DOCK10: variants seen among roughly 807,000 people sequenced by gnomAD.
The protein encoded by DOCK10 is dedicator of cytokinesis 10.
In DOCK10, 145 loss-of-function variants were observed where a neutral mutation model predicts 280.1. The observed-to-expected ratio is 0.52, with a 90% CI of 0.45 to 0.59. DOCK10 has a LOEUF of 0.59. DOCK10 is among the 20% of genes least tolerant of loss of function. DOCK10 has a pLI of 0.00. For synonymous variants in DOCK10, 915 were observed against 942.2 expected (o/e 0.97, Z 0.53); for missense variants, 2,368 against 2,651.7 (o/e 0.89, Z 2.35).
intron 1 of DOCK10, among the ~76,000 whole-genome samples, chr2:224,974,909 C>T (rs1705341220): frequency 7.2e-6 from 1 of 139,012 alleles, no homozygotes; most frequent in African/African-American, 2.5e-5. Flanking sequence ...ATAGCTCTAT[C>T]TACATATAGT....
At chr2:224,997,586 T>C (rs936704742) in intron 1 of DOCK10, among the ~76,000 whole-genome samples, 11 of 152,270 alleles carry the variant, frequency 7.2e-5, no homozygotes, top group Middle Eastern at 3.4e-3. Context: ...GGGTGATCTT[T>C]GCTGCCCTCC....
intron 26 of DOCK10, among the ~76,000 whole-genome samples, chr2:224,832,673 C>T (rs904366043): frequency 3.3e-5 from 5 of 152,070 alleles, no homozygotes; most frequent in African/African-American, 9.7e-5. Flanking sequence ...GAATGAATCC[C>T]AGGCACACTG....
intron 7 of DOCK10, among the ~76,000 whole-genome samples, chr2:224,880,632 G>A (rs1204301187): frequency 1.3e-5 from 2 of 152,136 alleles, no homozygotes; most frequent in Non-Finnish European, 2.9e-5. Flanking sequence ...TTCATAAATA[G>A]TAGGAACCTG....
chr2:225,000,252 A>C (rs892685072), intron 1 of DOCK10, among the ~76,000 whole-genome samples: 1 of 151,786 alleles, frequency 6.6e-6, no homozygotes, highest in African/African-American at 2.4e-5. Context: ...ACATGCAATT[A>C]CTGGTTTTAC....
chr2:224,827,648 A>G (rs1434453699), intron 27 of DOCK10, among the ~76,000 whole-genome samples: 4 of 152,214 alleles, frequency 2.6e-5, no homozygotes, highest in Admixed American at 2.6e-4. Flanking sequence ...AGGAATTGCA[A>G]CAGTGAGGTT....
chr2:224,982,961 A>T (rs995142125), intron 1 of DOCK10, among the ~76,000 whole-genome samples: 1 of 152,194 alleles, frequency 6.6e-6, no homozygotes, highest in Non-Finnish European at 1.5e-5. Flanking sequence ...CAAAGTATGC[A>T]CGCATTAACC....
chr2:224,933,722 C>A (rs1702526739), intron 1 of DOCK10, among the ~76,000 whole-genome samples: 1 of 152,162 alleles, frequency 6.6e-6, no homozygotes, highest in African/African-American at 2.4e-5. Flanking sequence ...CATGATGTGG[C>A]TAATAACACT....
chr2:224,841,864 G>T lies in DOCK10; in HGVS notation c.2601C>A (p.Cys867Ter). 6.2e-7 allele frequency: 1 copy of T among 1,612,692 alleles called. No individual in the cohort carries two copies. Residue 867 changes from cysteine (C) to a stop codon, truncating the protein, a stop_gained, in exon 23 of 56, where the codon TGC becomes TGA. Transcript: ENST00000258390. LOFTEE classifies it high-confidence loss of function. The stretch of plus-strand genomic sequence containing the variant: ...GAGACATATCTTTCTCTCTTTTTTG[G>T]CACTCTTGGAAAAATGCATTCACAT... ...DPHVNAFFQE[C>*]QKREKDMSQS...
intron 1 of DOCK10, among the ~76,000 whole-genome samples, chr2:225,035,570 A>ATATATATATATATATATAT (rs1690224594): frequency 3.4e-4 from 20 of 58,228 alleles, no homozygotes; most frequent in Non-Finnish European, 2.4e-4. Context: ...ATATATATAT[A>ATATATATATATATATATAT]TATATATATA....
In DOCK10 at chr2:224,862,735, C is replaced by A; in HGVS notation, c.1614G>T (p.Lys538Asn). 1 of 1,602,750 alleles carries A rather than the reference C, an allele frequency of 6.2e-7. No homozygotes were observed. The highest frequency in any genetic ancestry group is 1.7e-5 in the Admixed American group (1 of 59,038). Residue 538 changes from lysine to asparagine, a missense_variant, in exon 14 of 56, where the codon AAG becomes AAT. Physicochemically the swap from Lys to Asn is moderately conservative, Grantham distance 94 (BLOSUM62 0). Around this residue, in one of 2 missense-constraint regions of DOCK10, gnomAD observed 1,209 missense variants for 1,250.9 expected, o/e 0.97. Coordinates refer to ENST00000258390, the MANE Select transcript of DOCK10 (RefSeq NM_014689.3). ...KNPDSNKYAQKILKSNRQFCS... is the reference protein window; with the variant it reads ...KNPDSNKYAQNILKSNRQFCS... The stretch of plus-strand genomic sequence containing the variant: ...AGAATTGTCTGTTGGATTTTAGTAT[C>A]TTTTGTGCATACTAAAGAAAAAATA...
intron 14 of DOCK10, chr2:224,862,211 G>C (rs16866248): frequency 0.01 from 1,570 of 153,294 alleles, 31 homozygotes; most frequent in African/African-American, 0.035. Context: ...TTAAATGATT[G>C]GTTTGATGGT....
At chr2:224,913,750 C>T (rs1422405520) in intron 3 of DOCK10, among the ~76,000 whole-genome samples, 3 of 144,902 alleles carry the variant, frequency 2.1e-5, no homozygotes, top group African/African-American at 7.7e-5. Context: ...TTATTTGAGA[C>T]AGAGTCTCCC....
intron 2 of DOCK10, among the ~76,000 whole-genome samples, chr2:224,920,000 G>A (rs960028425): frequency 1.3e-5 from 2 of 152,110 alleles, no homozygotes; most frequent in African/African-American, 4.8e-5. Context: ...TGCCACGGAT[G>A]GAACAGGGAG....
intron 1 of DOCK10, among the ~76,000 whole-genome samples, chr2:224,940,815 G>A (rs148288597): frequency 1.5e-3 from 223 of 152,198 alleles, no homozygotes; most frequent in African/African-American, 5.2e-3. Flanking sequence ...GGGAAGTTCC[G>A]GCAAACCCCT....
At chr2:225,035,356 A>G (rs1432759796) in intron 1 of DOCK10, among the ~76,000 whole-genome samples, 1 of 151,796 alleles carries the variant, frequency 6.6e-6, no homozygotes, top group Admixed American at 6.6e-5. Context: ...GCCCATTCTT[A>G]CCGCATTCAA....
chr2:224,980,675 C>T (rs1044687630), intron 1 of DOCK10, among the ~76,000 whole-genome samples: 6 of 152,124 alleles, frequency 3.9e-5, no homozygotes, highest in African/African-American at 1.2e-4. Context: ...TTCAGTTTAT[C>T]GGTTATCATT....
rs1397553967 is a variant in DOCK10 at position 224,797,092 on chromosome 2, C to T, written c.4699G>A (p.Glu1567Lys). ...CTGTGGTTACAGCATTTTAGGACTT[C>T]GTAACAGAATGATCCACAGAGGTCA... is the stretch of plus-strand genomic sequence containing the variant. ...PADLCGSFCY[E>K]VLKCCNHRSR... Residue 1567 changes from glutamate (E) to lysine (K), a missense_variant, in exon 43 of 56, where the codon GAA becomes AAA. Physicochemically the swap from Glu to Lys is moderately conservative, Grantham distance 56. This residue lies in a region of DOCK10 where 1,159 missense variants were observed against 1,400.8 expected (regional missense o/e 0.83). Transcript: ENST00000258390. 3.1e-6 allele frequency: 5 copies of T among 1,613,098 alleles called. No individual in the cohort carries two copies. The highest frequency in any genetic ancestry group is 2.2e-5 in the East Asian group (1 of 44,874).
At chr2:224,862,774 T>C in intron 13 of DOCK10, 28 bp from the exon 14 acceptor site, 1 of 1,379,686 alleles carries the variant, frequency 7.2e-7, no homozygotes, top group Non-Finnish European at 1.0e-6. Flanking sequence ...ACAAATATTG[T>C]TTAGAATAGC....
In DOCK10 at chr2:224,906,941, T is replaced by G. The variant is rs1001626178; in HGVS notation, c.333+9754A>C. ...ATGTTGGATAATGAACCTCCTCTAA[T>G]CTTTCATCCAATGGTTGATTCTCTT... On this transcript the variant is annotated intron_variant, in intron 3 of 55. Coordinates refer to ENST00000258390, the MANE Select transcript of DOCK10 (RefSeq NM_014689.3). 1.7e-4 allele frequency among the ~76,000 whole-genome samples: 25 copies of G among 149,620 alleles called. No individual in the cohort carries two copies. The Admixed American group carries it at 1.7e-3, about 10-fold the overall frequency.
Sources: gnomAD v4.1 joint callset for allele counts (sites outside exome capture counted in the v4.1 genomes callset) on GRCh38, gnomAD v4.1.1 for gene constraint, gnomAD v4.1.1 regional missense constraint, MANE v1.5 for transcripts, NCBI Gene and HGNC (gene_info 2026-07-23, HGNC 2026-07-21) for gene names.